Variants in FGGY observed in about 807,000 individuals in gnomAD.
The protein encoded by FGGY is FGGY carbohydrate kinase domain containing.
In FGGY, 72 loss-of-function variants were observed where a neutral mutation model predicts 71.3. The ratio of observed to expected loss-of-function variants is 1.01; its 90% CI spans 0.84 to 1.23. The LOEUF (loss-of-function observed/expected upper bound fraction) is 1.23. Ranked by LOEUF, FGGY falls within the 50% of genes most tolerant of loss-of-function variation. FGGY has a pLI of 0.00. For synonymous variants in FGGY, 251 were observed against 250.3 expected (o/e 1.00, Z -0.02); for missense variants, 668 against 682.3 (o/e 0.98, Z 0.23).
At chr1:59,541,338 C>T (rs1234233025) in intron 7 of FGGY, among the ~76,000 whole-genome samples, 1 of 152,140 alleles carries the variant, frequency 6.6e-6, no homozygotes, top group Non-Finnish European at 1.5e-5. Context: ...GGCAAGCAGA[C>T]AGCTGAATGG....
intron 14 of FGGY, among the ~76,000 whole-genome samples, chr1:59,690,053 T>C (rs2097577256): frequency 1.3e-5 from 2 of 152,174 alleles, no homozygotes; most frequent in Admixed American, 1.3e-4. Flanking sequence ...ACAGCAGTTG[T>C]CTTCATCTCA....
intron 4 of FGGY, among the ~76,000 whole-genome samples, chr1:59,374,628 A>G (rs531682498): frequency 6.6e-6 from 1 of 152,250 alleles, no homozygotes; most frequent in East Asian, 1.9e-4. Context: ...GGCACTGTTC[A>G]CAATAGGAAA....
chr1:59,388,638 A>AT (rs1305164428), intron 5 of FGGY, among the ~76,000 whole-genome samples: 5 of 152,078 alleles, frequency 3.3e-5, no homozygotes, highest in African/African-American at 1.2e-4. Context: ...ATAAGAGTTG[A>AT]TTTTTTTAGA....
intron 10 of FGGY, among the ~76,000 whole-genome samples, chr1:59,630,919 T>C (rs763529259): frequency 7.2e-5 from 11 of 152,206 alleles, no homozygotes; most frequent in African/African-American, 2.4e-4. Flanking sequence ...AAGCATCGCC[T>C]GTACTCTTGG....
intron 5 of FGGY, among the ~76,000 whole-genome samples, chr1:59,396,895 A>T (rs2061390823): frequency 6.6e-6 from 1 of 152,244 alleles, no homozygotes. Flanking sequence ...GAGTGTTCTA[A>T]GAAATGGATT....
chr1:59,637,956 A>C (rs530120090), intron 10 of FGGY, among the ~76,000 whole-genome samples: 1 of 152,300 alleles, frequency 6.6e-6, no homozygotes, highest in South Asian at 2.1e-4. Flanking sequence ...GTGGTTCAGA[A>C]AGTTTGAATA....
chr1:59,358,188 G>T (rs2054709063), intron 4 of FGGY, among the ~76,000 whole-genome samples: 1 of 152,188 alleles, frequency 6.6e-6, no homozygotes, highest in Non-Finnish European at 1.5e-5. Context: ...AAGGTGGCAG[G>T]CTAGAAGTCC....
intron 8 of FGGY, 60 bp from the exon 9 acceptor site, chr1:59,607,743 G>A: frequency 5.2e-6 from 7 of 1,336,328 alleles, no homozygotes; most frequent in Non-Finnish European, 7.5e-6. Context: ...ATTAGGAGGA[G>A]AACCCTTCCC....
chr1:59,427,071 G>T (rs1298535477), intron 5 of FGGY, among the ~76,000 whole-genome samples: 1 of 152,130 alleles, frequency 6.6e-6, no homozygotes, highest in African/African-American at 2.4e-5. Context: ...CCCACCTCTT[G>T]CTATCACAGA....
At chr1:59,472,004 C>T (rs969245351) in intron 6 of FGGY, among the ~76,000 whole-genome samples, 5 of 152,262 alleles carry the variant, frequency 3.3e-5, no homozygotes, top group African/African-American at 4.8e-5. Context: ...CTCCGCGCCT[C>T]CTCTGCCTGG....
chr1:59,580,957 G>A (rs928925966), intron 8 of FGGY, among the ~76,000 whole-genome samples: 5 of 152,168 alleles, frequency 3.3e-5, no homozygotes, highest in Non-Finnish European at 5.9e-5. Flanking sequence ...GCACCTGACA[G>A]TTTGTATTAC....
In FGGY at chr1:59,537,989, T is replaced by C. The variant is rs914552053; in HGVS notation, c.800-16135T>C. 5.3e-5 allele frequency among the ~76,000 whole-genome samples: 8 copies of C among 152,082 alleles called. No homozygotes were observed. In the South Asian group the frequency reaches 1.2e-3, roughly 24 times the overall value. On this transcript the variant is annotated intron_variant, in intron 7 of 15. Transcript: ENST00000303721. ...AAGCAATGGCAACAAAAGCCAAAAT[T>C]GACAAATGGGATCTCATTAAACTAA...
chr1:59,432,655 T>C lies in FGGY; in HGVS notation c.555-24306T>C, dbSNP rs143012232. Among the ~76,000 whole-genome samples, 333 of 152,322 alleles carry C rather than the reference T, an allele frequency of 2.2e-3. 2 individuals are homozygous for C. In the Middle Eastern group the frequency reaches 0.031, roughly 14 times the overall value. ...GTTTGTAAATATCTCTGCTTCCCAA[T>C]CTTTTGTGCCTCCTGTCTGTCTGGT... On this transcript the variant is annotated intron_variant, in intron 5 of 15. Transcript: ENST00000303721.
At chr1:59,417,327 T>C (rs1259758725) in intron 5 of FGGY, among the ~76,000 whole-genome samples, 2 of 152,262 alleles carry the variant, frequency 1.3e-5, no homozygotes, top group African/African-American at 4.8e-5. Flanking sequence ...GTTTATCCAT[T>C]CATCTGTTGA....
intron 9 of FGGY, among the ~76,000 whole-genome samples, chr1:59,610,250 C>T (rs570716675): frequency 5.5e-4 from 83 of 151,948 alleles, no homozygotes; most frequent in Non-Finnish European, 1.3e-4. Context: ...AACTCCCCAA[C>T]TGGCCCCAGT....
At chr1:59,617,910 T>C (rs2096772207) in intron 9 of FGGY, among the ~76,000 whole-genome samples, 1 of 152,096 alleles carries the variant, frequency 6.6e-6, no homozygotes, top group African/African-American at 2.4e-5. Context: ...TCTATCTGCC[T>C]CCTGCGTCAT....
chr1:59,515,325 T>C (rs961797042), intron 7 of FGGY, among the ~76,000 whole-genome samples: 3 of 152,126 alleles, frequency 2.0e-5, no homozygotes, highest in Non-Finnish European at 4.4e-5. Context: ...GTACCCGCAT[T>C]GTATCTAGGA....
chr1:59,331,519 C>T (rs2048479852), intron 2 of FGGY, among the ~76,000 whole-genome samples: 1 of 152,148 alleles, frequency 6.6e-6, no homozygotes, highest in African/African-American at 2.4e-5. Flanking sequence ...GAGGTCCACT[C>T]CTCATGTCTT....
chr1:59,486,533 C>T (rs1252273497), intron 6 of FGGY, among the ~76,000 whole-genome samples: 1 of 152,154 alleles, frequency 6.6e-6, no homozygotes, highest in East Asian at 1.9e-4. Flanking sequence ...GCTCTTCCCC[C>T]TTCTGGCTTT....
Sources: allele counts gnomAD v4.1 joint callset (sites outside exome capture counted in the v4.1 genomes callset), GRCh38; gene constraint gnomAD v4.1.1; transcripts MANE v1.5; gene names NCBI Gene and HGNC (gene_info 2026-07-23, HGNC 2026-07-21).